The following LRP1 variants were observed in gnomAD, a reference collection of about 807,000 sequenced individuals.
LRP1 encodes the protein LDL receptor related protein 1.
Under a neutral mutation model 541.5 loss-of-function variants are expected in LRP1, and 51 were observed. The ratio of observed to expected loss-of-function variants is 0.09; its 90% CI spans 0.08 to 0.12. LRP1 has a LOEUF of 0.12. Among genes scored for constraint, LRP1 ranks in the 10% least tolerant of loss-of-function variants. The pLI, the probability that LRP1 is intolerant of heterozygous loss-of-function variation, is 1.00. For synonymous variants in LRP1, 2,219 were observed against 2,470.8 expected, an observed-to-expected ratio of 0.90 and a Z score of 3.02; for missense variants, 3,878 against 6,376.2, an observed-to-expected ratio of 0.61 and a Z score of 13.34.
chr12:57,185,437 A>G lies in LRP1; in HGVS notation c.6464-94A>G. ...TCATTCAAGCTGGGAATACCGAGGC[A>G]GAGGGCAGAGCTTTCGCCAAAGCCT... On this transcript the variant is annotated intron_variant, in intron 40 of 88. Coordinates refer to ENST00000243077, the MANE Select transcript of LRP1 (RefSeq NM_002332.3). The surrounding 1 kb of genome is among the most constrained non-coding windows in gnomAD (Gnocchi z 4.9). 2 of 1,454,070 alleles carry G rather than the reference A, an allele frequency of 1.4e-6. No individual in the cohort carries two copies. Among genetic ancestry groups the G allele is most frequent in the South Asian group, 2.7e-5 (2 of 73,032 alleles). The allele number at this position is 1,454,070 out of a possible 1,614,324, so 90.1% of individuals were successfully genotyped here. A position where few individuals can be genotyped will look rare whatever the true frequency, so the allele number is the denominator to read the frequency against.
Position 57,183,928 on chromosome 12 carries a change from TG to T in LRP1, c.5929+20del. Reference sequence around the variant, plus strand: ...ATCGCAGGTGAGCAGTGGGCAGGTTTGTGGGGCTTGGGGTGTGGCAGAGGAC... The same window carrying T: ...ATCGCAGGTGAGCAGTGGGCAGGTTTTGGGGCTTGGGGTGTGGCAGAGGAC... On this transcript the variant is annotated intron_variant, in intron 36 of 88. Transcript: ENST00000243077. The surrounding 1 kb of genome is among the most constrained non-coding windows in gnomAD (Gnocchi z 6.1). 6.2e-7 allele frequency: 1 copy of T among 1,613,896 alleles called. No homozygotes were observed. The highest frequency in any genetic ancestry group is 8.5e-7 in the Non-Finnish European group (1 of 1,179,994).
In LRP1 at chr12:57,199,208, G is replaced by A. The variant is rs1431119379; in HGVS notation, c.9677-4G>A. 1 of 1,612,564 alleles carries A rather than the reference G, an allele frequency of 6.2e-7. No homozygotes were observed. The highest frequency in any genetic ancestry group is 2.2e-5 in the East Asian group (1 of 44,870). On this transcript the variant is annotated splice_polypyrimidine_tract_variant and splice_region_variant and intron_variant, in intron 60 of 88. Transcript: ENST00000243077. ...GGCACTGTGCCTGCCCCTTGGCCCTGCAGTGCTGAGCCAGGACATCCCGCA... is the reference window on the plus strand; with the variant it reads ...GGCACTGTGCCTGCCCCTTGGCCCTACAGTGCTGAGCCAGGACATCCCGCA...
Position 57,178,024 on chromosome 12 carries a change from C to A in LRP1, c.4362-335C>A, listed in dbSNP as rs867856584. Among the ~76,000 whole-genome samples, 6 of 150,386 alleles carry A rather than the reference C, an allele frequency of 4.0e-5. No individual in the cohort carries two copies. The highest frequency in any genetic ancestry group is 2.1e-4 in the South Asian group (1 of 4,792). On this transcript the variant is annotated intron_variant, in intron 26 of 88. Transcript: ENST00000243077. The surrounding 1 kb of genome is among the most constrained non-coding windows in gnomAD (Gnocchi z 5.8). ...AGTGCAGTGGCGCGATCTCGGCTCA[C>A]TGCAGGCTCCGCCCCCCGGGGTTCA...
In LRP1 at chr12:57,197,780, CTA is replaced by C; in HGVS notation, c.9282+120_9282+121del. 8.5e-7 allele frequency: 1 copy of C among 1,175,208 alleles called. No homozygotes were observed. The highest frequency in any genetic ancestry group is 1.2e-6 in the Non-Finnish European group (1 of 837,762). The allele number at this position is 1,175,208 out of a possible 1,614,324, so 72.8% of individuals were successfully genotyped here. A position where few individuals can be genotyped will look rare whatever the true frequency, so the allele number is the denominator to read the frequency against. ...TGCTTCCTTCTCACTCCACTAGTCA[CTA>C]TATGACTGCTTGTTCTAGCTGCTCA... On this transcript the variant is annotated intron_variant, in intron 58 of 88. Transcript: ENST00000243077. This position sits in a 1 kb window ranked among gnomAD's most constrained non-coding sequence, Gnocchi z 4.5.
chr12:57,209,703 C>G lies in LRP1; in HGVS notation c.12274C>G (p.Pro4092Ala). Residue 4092 changes from proline (P) to alanine (A), a missense_variant, in exon 80 of 89, where the codon CCC becomes GCC. Transcript: ENST00000243077. ...ACCTCCTCCCCCAGGCCTAAGTCAC[C>G]CCTTCAGCATCGACGTCTTTGAGGA... ...AADSKRGLSH[P>A]FSIDVFEDYI... 6.2e-7 allele frequency: 1 copy of G among 1,614,130 alleles called. No homozygotes were observed. Among genetic ancestry groups the G allele is most frequent in the Non-Finnish European group, 8.5e-7 (1 of 1,180,012 alleles).
intron 6 of LRP1, chr12:57,148,964 T>C: frequency 1.6e-6 from 1 of 610,386 alleles, no homozygotes; most frequent in East Asian, 3.1e-5. Flanking sequence ...CTTTCTTTTA[T>C]TTATTTATTT....
chr12:57,174,763 C>CCAAA (rs1431293905), intron 22 of LRP1, among the ~76,000 whole-genome samples: 2 of 152,090 alleles, frequency 1.3e-5, no homozygotes, highest in East Asian at 3.9e-4. Context: ...AGACCCCATC[C>CCAAA]CAAACAAACA....
Position 57,211,572 on chromosome 12 carries a change from A to G in LRP1, c.13177A>G (p.Met4393Val). Residue 4393 changes from methionine (M) to valine (V), a missense_variant, in exon 85 of 89, where the codon ATG (methionine) becomes GTG (valine). By Grantham distance (21) the Met-to-Val change is conservative. This residue lies in a region of LRP1 where 871 missense variants were observed against 1,212.4 expected (regional missense o/e 0.72). Coordinates refer to ENST00000243077, the MANE Select transcript of LRP1 (RefSeq NM_002332.3). The surrounding 1 kb of genome is among the most constrained non-coding windows in gnomAD (Gnocchi z 4.3). Reference protein sequence around the residue: ...NGGSCTMNSKMMPECQCPPHM... With the variant: ...NGGSCTMNSKVMPECQCPPHM... ...CGGCTCCTGTACCATGAACAGCAAA[A>G]TGATGCCTGAGTGCCAGTGAGTTGG... is the stretch of plus-strand genomic sequence containing the variant. The G allele has an allele frequency of 6.2e-7, 1 of 1,614,026 alleles. No homozygotes were observed. The highest frequency in any genetic ancestry group is 8.5e-7 in the Non-Finnish European group (1 of 1,179,992).
chr12:57,201,053 C>G lies in LRP1; in HGVS notation c.10245C>G (p.Pro3415=). 1.9e-6 allele frequency: 3 copies of G among 1,614,114 alleles called. No individual in the cohort carries two copies. The highest frequency in any genetic ancestry group is 2.5e-6 in the Non-Finnish European group (3 of 1,180,024). ...CCACAGACATCCACGTCTGCTTGCC[C>G]AGTCAGTTCAAATGCACCAACACCA... ...EANCDIHVCL[P]SQFKCTNTNR... Residue 3415 remains proline (P), a synonymous_variant, in exon 65 of 89, where the codon CCC becomes CCG. Transcript: ENST00000243077. The surrounding 1 kb of genome is among the most constrained non-coding windows in gnomAD (Gnocchi z 6.4).
At position 57,158,003 on chromosome 12, in the gene LRP1, G is replaced by C. The variant is rs1008045578; in HGVS notation, c.1562-399G>C. The stretch of plus-strand genomic sequence containing the variant: ...GGGATGGGCAGTAGGGAAGTAGCCA[G>C]AAGACTTTCAGTGTAGTGGGCAAGA... On this transcript the variant is annotated intron_variant, in intron 10 of 88. Transcript: ENST00000243077. This position sits in a 1 kb window ranked among gnomAD's most constrained non-coding sequence, Gnocchi z 5.3. Among the ~76,000 whole-genome samples the C allele has an allele frequency of 2.6e-5, 4 of 152,198 alleles. No homozygotes were observed. Among genetic ancestry groups the C allele is most frequent in the Non-Finnish European group, 5.9e-5 (4 of 68,028 alleles).
chr12:57,143,816 C>T lies in LRP1; in HGVS notation c.448+18C>T. ...CTGCAAAGGTATGTGAGTGCATGTGCCTGTGTGCATGTGTGTGTGCCAGTA... is the reference window on the plus strand; with the variant it reads ...CTGCAAAGGTATGTGAGTGCATGTGTCTGTGTGCATGTGTGTGTGCCAGTA... On this transcript the variant is annotated intron_variant, in intron 4 of 88. Transcript: ENST00000243077. The T allele has an allele frequency of 1.2e-6, 2 of 1,609,414 alleles. No individual in the cohort carries two copies. Among genetic ancestry groups the T allele is most frequent in the Non-Finnish European group, 1.7e-6 (2 of 1,177,248 alleles).
intron 20 of LRP1, among the ~76,000 whole-genome samples, chr12:57,172,461 G>A (rs904837445): frequency 3.9e-5 from 6 of 152,286 alleles, no homozygotes; most frequent in South Asian, 4.2e-4. Context: ...GAGCCACCGC[G>A]CCTGGCCTGT....
Position 57,212,267 on chromosome 12 carries a change from C to A in LRP1, c.13494+6C>A, listed in dbSNP as rs2036934983. 1.9e-6 allele frequency: 3 copies of A among 1,612,608 alleles called. No individual in the cohort carries two copies. Among genetic ancestry groups the A allele is most frequent in the Non-Finnish European group, 2.5e-6 (3 of 1,179,228 alleles). Reference sequence around the variant, plus strand: ...TTGCCCTGGACCCTGACAAGGTGGGCTGGGAGGCGGGCAGGGTCGAGTGCC... The same window carrying A: ...TTGCCCTGGACCCTGACAAGGTGGGATGGGAGGCGGGCAGGGTCGAGTGCC... On this transcript the variant is annotated splice_donor_region_variant and intron_variant, in intron 88 of 88. Transcript: ENST00000243077. The surrounding 1 kb of genome is among the most constrained non-coding windows in gnomAD (Gnocchi z 5.0).
At position 57,195,390 on chromosome 12, in the gene LRP1, G is replaced by T. The variant is rs150972965; in HGVS notation, c.8428G>T (p.Ala2810Ser). 2.5e-6 allele frequency: 4 copies of T among 1,606,746 alleles called. No homozygotes were observed. Among genetic ancestry groups the T allele is most frequent in the African/African-American group, 1.3e-5 (1 of 75,056 alleles). The change falls in exon 52 of 89, where the codon GCT becomes TCT. Residue 2810 changes from alanine (A) to serine (S), a missense_variant. Physicochemically the swap from Ala to Ser is moderately conservative, Grantham distance 99. Transcript: ENST00000243077. ...CADGADESIA[A>S]GCLYNSTCDD... Reference sequence around the variant, plus strand: ...TGATGGTGCAGACGAGAGCATCGCAGCTGGTTGCTGTGAGTGGCGGGGCCA... The same window carrying T: ...TGATGGTGCAGACGAGAGCATCGCATCTGGTTGCTGTGAGTGGCGGGGCCA...
At chr12:57,161,171 G>A (rs1442456611) in intron 13 of LRP1, 56 bp downstream of exon 13, 6 of 1,550,862 alleles carry the variant, frequency 3.9e-6, no homozygotes, top group Non-Finnish European at 4.4e-6. Flanking sequence ...GACCATGCTT[G>A]GGCGTGGATG....
Position 57,206,716 on chromosome 12 carries a change from T to A in LRP1, c.11834T>A (p.Ile3945Asn), listed in dbSNP as rs763205509. 3.1e-6 allele frequency: 5 copies of A among 1,612,752 alleles called. No individual in the cohort carries two copies. The highest frequency in any genetic ancestry group is 1.3e-5 in the African/African-American group (1 of 74,924). Residue 3945 changes from isoleucine (I) to asparagine (N), a missense_variant, in exon 76 of 89, where the codon ATT becomes AAT. By Grantham distance (149) the Ile-to-Asn change is moderately radical (BLOSUM62 -3). Around this residue, in one of 13 missense-constraint regions of LRP1, gnomAD observed 871 missense variants for 1,212.4 expected, o/e 0.72. Transcript: ENST00000243077. The surrounding 1 kb of genome is among the most constrained non-coding windows in gnomAD (Gnocchi z 4.7). ...PTTSNRHRRQIDRGVTHLNIS... is the reference protein window; with the variant it reads ...PTTSNRHRRQNDRGVTHLNIS... ...ACTTCCAACCGCCACCGGCGACAGA[T>A]TGACCGGGGTGTCACCCACCTCAAC...
chr12:57,166,269 AG>A, intron 17 of LRP1, 60 bp downstream of exon 17: 2 of 1,531,254 alleles, frequency 1.3e-6, no homozygotes, highest in Non-Finnish European at 8.8e-7. Context: ...AGGGGAGACG[AG>A]GGGGCCAGGT....
At chr12:57,150,189 CTTTTTTTTTTT>C (rs769778868) in intron 6 of LRP1, 1 of 92,878 alleles carries the variant, frequency 1.1e-5, no homozygotes, top group South Asian at 3.5e-4. Flanking sequence ...AAACTTCCTT[CTTTTTTTTTTT>C]TTTTTTTTTG....
At position 57,178,400 on chromosome 12, in the gene LRP1, A is replaced by G; in HGVS notation, c.4403A>G (p.His1468Arg). 1 of 1,614,228 alleles carries G rather than the reference A, an allele frequency of 6.2e-7. No individual in the cohort carries two copies. Among genetic ancestry groups the G allele is most frequent in the Non-Finnish European group, 8.5e-7 (1 of 1,180,022 alleles). The change falls in exon 27 of 89, where the codon CAC (histidine) becomes CGC (arginine). Residue 1468 changes from histidine (H) to arginine (R), a missense_variant. His to Arg is a conservative substitution (Grantham distance 29). Around this residue, in one of 13 missense-constraint regions of LRP1, gnomAD observed 54 missense variants for 167.7 expected, o/e 0.32. Coordinates refer to ENST00000243077, the MANE Select transcript of LRP1 (RefSeq NM_002332.3). This position sits in a 1 kb window ranked among gnomAD's most constrained non-coding sequence, Gnocchi z 5.8. ...IYSARYDGSG[H>R]MEVLRGHEFL... ...TCAGCCCGTTACGACGGCTCTGGCCACATGGAGGTGCTTCGGGGACACGAG... is the reference window on the plus strand; with the variant it reads ...TCAGCCCGTTACGACGGCTCTGGCCGCATGGAGGTGCTTCGGGGACACGAG...
Sources: gnomAD v4.1 joint callset for allele counts (sites outside exome capture counted in the v4.1 genomes callset) on GRCh38, gnomAD v4.1.1 for gene constraint, gnomAD v4.1.1 regional missense constraint, Gnocchi (gnomAD v3.1) non-coding constraint, MANE v1.5 for transcripts, NCBI Gene and HGNC (gene_info 2026-07-23, HGNC 2026-07-21) for gene names.